CAMTA1: variants seen among roughly 807,000 people sequenced by gnomAD.
The protein encoded by CAMTA1 is calmodulin-binding transcription activator 1.
A neutral mutation model predicts 170.9 loss-of-function variants in CAMTA1; 27 were observed. That is an observed-to-expected ratio of 0.16 (90% CI 0.12 to 0.22). The LOEUF is 0.22. Among genes scored for constraint, CAMTA1 ranks in the 10% least tolerant of loss-of-function variants. The pLI is 1.00. For missense variants in CAMTA1, 1,619 were observed against 2,217.2 expected (o/e 0.73, Z 5.42); for synonymous variants, 833 against 891.5 (o/e 0.93, Z 1.17).
chr1:7,619,652 AT>A (rs59695174), intron 6 of CAMTA1, among the ~76,000 whole-genome samples: 2,932 of 143,172 alleles, frequency 0.02, 43 homozygotes, highest in African/African-American at 0.049. Context: ...GGAGAAATTG[AT>A]TTTTTTTTTT....
chr1:7,457,968 A>G (rs891142165), intron 5 of CAMTA1, among the ~76,000 whole-genome samples: 3 of 151,784 alleles, frequency 2.0e-5, no homozygotes, highest in Non-Finnish European at 4.4e-5. Flanking sequence ...GCCCGCAGGC[A>G]CTTTCTGCCT....
intron 3 of CAMTA1, among the ~76,000 whole-genome samples, chr1:6,895,543 G>A (rs180942823): frequency 2.5e-4 from 38 of 152,350 alleles, no homozygotes; most frequent in African/African-American, 8.9e-4. Context: ...AAACCCTACA[G>A]TGACTTTCTA....
At chr1:7,070,178 A>G (rs1280983292) in intron 3 of CAMTA1, among the ~76,000 whole-genome samples, 1 of 152,182 alleles carries the variant, frequency 6.6e-6, no homozygotes, top group Non-Finnish European at 1.5e-5. Flanking sequence ...CTCTGCCCAC[A>G]CAGAGAACAG....
At chr1:7,002,906 C>T (rs948884118) in intron 3 of CAMTA1, among the ~76,000 whole-genome samples, 2 of 152,198 alleles carry the variant, frequency 1.3e-5, no homozygotes, top group Admixed American at 1.3e-4. Flanking sequence ...CTCCCCAAAC[C>T]TGTAATGGCC....
chr1:6,845,198 GC>G (rs976753738), intron 3 of CAMTA1, among the ~76,000 whole-genome samples: 1 of 152,170 alleles, frequency 6.6e-6, no homozygotes, highest in African/African-American at 2.4e-5. Context: ...CCTCTGCATA[GC>G]AATCACTTCT....
chr1:7,664,762 A>C lies in CAMTA1; in HGVS notation c.2215A>C (p.Asn739His), dbSNP rs1321443821. Residue 739 changes from asparagine (N) to histidine (H), a missense_variant, in exon 9 of 23, where the codon AAC (asparagine) becomes CAC (histidine). By Grantham distance (68) the Asn-to-His change is moderately conservative. Transcript: ENST00000303635. The part of the protein sequence containing the change: ...SAGGVPILPG[N>H]VVQGLYPVAQ... ...CGGCGGCGTCCCCATCCTCCCGGGC[A>C]ACGTGGTGCAGGGACTCTACCCCGT... The C allele has an allele frequency of 1.9e-6, 3 of 1,609,196 alleles. No individual in the cohort carries two copies. The highest frequency in any genetic ancestry group is 2.5e-6 in the Non-Finnish European group (3 of 1,176,892).
intron 5 of CAMTA1, among the ~76,000 whole-genome samples, chr1:7,448,775 A>G (rs1176369230): frequency 6.6e-6 from 1 of 152,146 alleles, no homozygotes; most frequent in Non-Finnish European, 1.5e-5. Flanking sequence ...CTCTGTCCCC[A>G]TGACTTCATC....
intron 3 of CAMTA1, among the ~76,000 whole-genome samples, chr1:6,982,136 T>A (rs1694543903): frequency 6.6e-6 from 1 of 152,238 alleles, no homozygotes; most frequent in Non-Finnish European, 1.5e-5. Flanking sequence ...CCTTCTTGAC[T>A]CTCAGCCTGG....
rs755887138 is a variant in CAMTA1 at position 7,673,254 on chromosome 1, C to G, written c.2779+2217C>G. On this transcript the variant is annotated intron_variant, in intron 10 of 22. Transcript: ENST00000303635. This position sits in a 1 kb window ranked among gnomAD's most constrained non-coding sequence, Gnocchi z 4.6. The stretch of plus-strand genomic sequence containing the variant: ...CCCCGGGGCTGGAGTCAGCCACACT[C>G]GGGTCCATCCCAGATCAGCCAGAAA... Among the ~76,000 whole-genome samples, 9 of 152,206 alleles carry G rather than the reference C, an allele frequency of 5.9e-5. No individual in the cohort carries two copies. The highest frequency in any genetic ancestry group is 1.3e-4 in the Non-Finnish European group (9 of 68,022).
rs140242198 is a variant in CAMTA1, at chr1:7,564,126, C to G, written c.511-76274C>G. On this transcript the variant is annotated intron_variant, in intron 6 of 22. Coordinates refer to ENST00000303635, the MANE Select transcript of CAMTA1 (RefSeq NM_015215.4). ...AGGTGCTAGGCCCATTGGGGCTCTC[C>G]GGATGTTCCGACCCCATGTCCCCTC... 3.6e-3 allele frequency among the ~76,000 whole-genome samples: 544 copies of G among 152,314 alleles called. 4 individuals are homozygous for G. The highest frequency in any genetic ancestry group is 0.013 in the African/African-American group (527 of 41,576).
At chr1:7,714,659 C>T (rs894804099) in intron 11 of CAMTA1, among the ~76,000 whole-genome samples, 1 of 152,014 alleles carries the variant, frequency 6.6e-6, no homozygotes, top group Admixed American at 6.6e-5. Context: ...GTAGCTGGGA[C>T]TCCAGGTGCG....
intron 6 of CAMTA1, among the ~76,000 whole-genome samples, chr1:7,632,172 T>G (rs1225830670): frequency 6.6e-6 from 1 of 152,238 alleles, no homozygotes; most frequent in Non-Finnish European, 1.5e-5. Flanking sequence ...ATGATGAGGC[T>G]TATGGGACAT....
intron 11 of CAMTA1, among the ~76,000 whole-genome samples, chr1:7,701,358 G>A (rs1437202583): frequency 6.6e-6 from 1 of 152,140 alleles, no homozygotes; most frequent in South Asian, 2.1e-4. Context: ...CACCCCCTGG[G>A]TTCATCCTGA....
At chr1:7,280,738 A>G (rs1175316850) in intron 5 of CAMTA1, among the ~76,000 whole-genome samples, 4 of 152,256 alleles carry the variant, frequency 2.6e-5, no homozygotes, top group Non-Finnish European at 5.9e-5. Flanking sequence ...CGCATTTTTC[A>G]TTTAGCATGT....
chr1:7,212,794 C>T (rs1292795073), intron 4 of CAMTA1, among the ~76,000 whole-genome samples: 4 of 152,182 alleles, frequency 2.6e-5, no homozygotes, highest in African/African-American at 9.7e-5. Flanking sequence ...TCTTTGCAAC[C>T]CCTAATCTGT....
intron 6 of CAMTA1, among the ~76,000 whole-genome samples, chr1:7,631,045 G>A (rs2095665698): frequency 6.6e-6 from 1 of 152,186 alleles, no homozygotes; most frequent in African/African-American, 2.4e-5. Flanking sequence ...CTCAGCTCCA[G>A]GGTCCCTGAA....
chr1:7,540,989 C>T (rs961976320), intron 6 of CAMTA1, among the ~76,000 whole-genome samples: 4 of 152,208 alleles, frequency 2.6e-5, no homozygotes, highest in Non-Finnish European at 2.9e-5. Context: ...CTGGGCACGT[C>T]GACCTGGAGA....
chr1:6,795,382 T>G (rs563596142), intron 1 of CAMTA1, among the ~76,000 whole-genome samples: 1 of 151,836 alleles, frequency 6.6e-6, no homozygotes, highest in East Asian at 1.9e-4. Context: ...TTCGTAGAGG[T>G]GGGGTCTTGC....
chr1:7,574,852 C>G (rs929843440), intron 6 of CAMTA1, among the ~76,000 whole-genome samples: 1 of 152,200 alleles, frequency 6.6e-6, no homozygotes, highest in Non-Finnish European at 1.5e-5. Flanking sequence ...ATTTTGCAGG[C>G]CCCAGACCCA....
Sources: gnomAD v4.1 joint callset for allele counts (sites outside exome capture counted in the v4.1 genomes callset) on GRCh38, gnomAD v4.1.1 for gene constraint, Gnocchi (gnomAD v3.1) non-coding constraint, MANE v1.5 for transcripts, NCBI Gene and HGNC (gene_info 2026-07-23, HGNC 2026-07-21) for gene names.